RNF38: variants seen among roughly 807,000 people sequenced by gnomAD.
RNF38 encodes the protein ring finger protein 38.
A neutral mutation model predicts 67.2 loss-of-function variants in RNF38; 15 were observed. That is an observed-to-expected ratio of 0.22 (90% confidence interval 0.15 to 0.34). The LOEUF (loss-of-function observed/expected upper bound fraction) is 0.34, where lower values mean the gene tolerates loss of function less well. Among genes scored for constraint, RNF38 ranks in the 10% least tolerant of loss-of-function variants. The pLI, the probability that RNF38 is intolerant of heterozygous loss-of-function variation, is 1.00. For synonymous variants in RNF38, 220 were observed against 218.8 expected (o/e 1.01, Z -0.05); for missense variants, 524 against 639.9 (o/e 0.82, Z 1.95).
intron 9 of RNF38, among the ~76,000 whole-genome samples, chr9:36,348,031 G>A (rs774187532): frequency 2.0e-5 from 3 of 152,012 alleles, no homozygotes; most frequent in Admixed American, 6.6e-5. Context: ...AGCCGAGATT[G>A]CGCCACGGCA....
intron 2 of RNF38, among the ~76,000 whole-genome samples, chr9:36,387,313 T>C (rs1490704114): frequency 6.6e-6 from 1 of 152,224 alleles, no homozygotes. Context: ...AGGACCCCTT[T>C]CTGTTAACAA....
At chr9:36,372,966 G>A (rs1835496522) in intron 3 of RNF38, among the ~76,000 whole-genome samples, 1 of 152,184 alleles carries the variant, frequency 6.6e-6, no homozygotes, top group Non-Finnish European at 1.5e-5. Context: ...AGCACTTTGG[G>A]AGGCCGAGGT....
chr9:36,361,881 C>T (rs1044155729), intron 4 of RNF38, among the ~76,000 whole-genome samples: 5 of 152,024 alleles, frequency 3.3e-5, no homozygotes, highest in African/African-American at 1.2e-4. Flanking sequence ...CCTGCCACAC[C>T]CCCTAAACAC....
intron 1 of RNF38, among the ~76,000 whole-genome samples, chr9:36,480,995 A>G (rs1389961673): frequency 6.6e-6 from 1 of 151,258 alleles, no homozygotes; most frequent in African/African-American, 2.4e-5. Context: ...AAATGCAGTG[A>G]TAGCTTTTTT....
chr9:36,449,423 C>A (rs1839383511), intron 1 of RNF38, among the ~76,000 whole-genome samples: 1 of 151,614 alleles, frequency 6.6e-6, no homozygotes, highest in Non-Finnish European at 1.5e-5. Flanking sequence ...AGAGTGAGAC[C>A]CTATCTCTCT....
chr9:36,433,777 G>A (rs1838992428), intron 1 of RNF38, among the ~76,000 whole-genome samples: 1 of 150,842 alleles, frequency 6.6e-6, no homozygotes, highest in Non-Finnish European at 1.5e-5. Flanking sequence ...AAGTAAAAAT[G>A]ACACCTTGTC....
intron 1 of RNF38, among the ~76,000 whole-genome samples, chr9:36,443,836 A>G (rs1839247546): frequency 6.6e-6 from 1 of 152,198 alleles, no homozygotes; most frequent in African/African-American, 2.4e-5. Flanking sequence ...GGATAAGAAC[A>G]TGGTGAATAT....
intron 3 of RNF38, among the ~76,000 whole-genome samples, chr9:36,373,234 T>C (rs1000223180): frequency 4.6e-5 from 7 of 152,248 alleles, no homozygotes; most frequent in Middle Eastern, 3.4e-3. Context: ...AAACTGGGCA[T>C]AGCTACTAGC....
At chr9:36,418,792 C>A (rs1228502964) in intron 2 of RNF38, among the ~76,000 whole-genome samples, 3 of 150,904 alleles carry the variant, frequency 2.0e-5, no homozygotes, top group Non-Finnish European at 3.0e-5. Flanking sequence ...TCTCAAAAAA[C>A]AACAACAACA....
intron 2 of RNF38, among the ~76,000 whole-genome samples, chr9:36,419,123 G>T (rs1838553812): frequency 6.6e-6 from 1 of 152,092 alleles, no homozygotes; most frequent in African/African-American, 2.4e-5. Flanking sequence ...ACACTCAAAG[G>T]AAGTACTCAA....
At chr9:36,384,336 C>T (rs1218695312) in intron 2 of RNF38, among the ~76,000 whole-genome samples, 1 of 152,208 alleles carries the variant, frequency 6.6e-6, no homozygotes, top group African/African-American at 2.4e-5. Context: ...GTTCTGTAAA[C>T]AGCTGAAGCT....
At position 36,342,311 on chromosome 9, in the gene RNF38, T is replaced by C; in HGVS notation, c.1485+14A>G. ...AATTCAATGTCATTTCCTTTAAAGA[T>C]GTCATCACTTTACCTTAAGCCATTT... On this transcript the variant is annotated intron_variant, in intron 11 of 11. Transcript: ENST00000259605. 1 of 1,542,738 alleles carries C rather than the reference T, an allele frequency of 6.5e-7. No homozygotes were observed.
chr9:36,476,035 T>C (rs1172119719), intron 1 of RNF38, among the ~76,000 whole-genome samples: 1 of 145,994 alleles, frequency 6.8e-6, no homozygotes, highest in Non-Finnish European at 1.5e-5. Context: ...AAGAAAGAAA[T>C]ATAAATTATA....
chr9:36,472,871 CGAGGTGGGTGGATCACCTGAGGTCAG>C (rs72030189), intron 1 of RNF38, among the ~76,000 whole-genome samples: 67,905 of 151,404 alleles, frequency 0.45, 15,386 homozygotes, highest in South Asian at 0.53. Flanking sequence ...TCTGAGAGAC[CGAGGTGGGTGGATCACCTGAGGTCAG>C]GAGGTGGGTG....
At position 36,339,423 on chromosome 9, in the gene RNF38, A is replaced by G. The variant is rs1832684360; in HGVS notation, c.*329T>C. On this transcript the variant is annotated 3_prime_UTR_variant, in exon 12 of 12. Transcript: ENST00000259605. ...TCATCTGTAGCTACCACTTTTTATA[A>G]AAGCACATGCTAAAAGATCACGTCC... 3.5e-6 allele frequency: 1 copy of G among 287,416 alleles called. No individual in the cohort carries two copies. Among genetic ancestry groups the G allele is most frequent in the Non-Finnish European group, 6.7e-6 (1 of 149,108 alleles). 17.8% of individuals were successfully genotyped at this position (287,416 alleles called of 1,614,324 possible). A position where few individuals can be genotyped will look rare whatever the true frequency, so the allele number is the denominator to read the frequency against.
chr9:36,372,219 G>A (rs1299344608), intron 3 of RNF38, among the ~76,000 whole-genome samples: 2 of 152,046 alleles, frequency 1.3e-5, no homozygotes, highest in Non-Finnish European at 2.9e-5. Flanking sequence ...GTGAGCCACC[G>A]CGCCCAGCTG....
upstream of RNF38, among the ~76,000 whole-genome samples, chr9:36,401,351 T>C (rs1377854172): frequency 6.2e-5 from 9 of 145,220 alleles, no homozygotes; most frequent in Admixed American, 6.1e-4. Context: ...TTCCAATTCC[T>C]ATAGATTTTC....
intron 10 of RNF38, among the ~76,000 whole-genome samples, 168 bp from the exon 11 acceptor site, chr9:36,342,592 G>A (rs1832930636): frequency 6.6e-6 from 1 of 152,156 alleles, no homozygotes; most frequent in Non-Finnish European, 1.5e-5. Context: ...GGCAGTAAGA[G>A]TTTTGCTTTG....
chr9:36,424,442 T>G (rs897096418), intron 2 of RNF38, among the ~76,000 whole-genome samples: 3 of 152,188 alleles, frequency 2.0e-5, no homozygotes, highest in African/African-American at 7.2e-5. Flanking sequence ...CCCTAGGTTT[T>G]CTGGAGCAGT....
Sources: gnomAD v4.1 joint callset for allele counts (sites outside exome capture counted in the v4.1 genomes callset) on GRCh38, gnomAD v4.1.1 for gene constraint, MANE v1.5 for transcripts, NCBI Gene and HGNC (gene_info 2026-07-23, HGNC 2026-07-21) for gene names.